The following DCHS2 variants were observed in gnomAD, a reference collection of about 807,000 sequenced individuals.
The protein encoded by DCHS2 is dachsous cadherin-related 2.
A neutral mutation model predicts 182.4 loss-of-function variants in DCHS2; 142 were observed. The observed-to-expected ratio is 0.78, with a 90% CI of 0.68 to 0.89. DCHS2 has a LOEUF of 0.89. Among genes scored for constraint, DCHS2 ranks in the 40% least tolerant of loss-of-function variants. The probability of loss-of-function intolerance (pLI) is 0.00; values close to 1 mark genes in which losing one functional copy is unlikely to be tolerated. For synonymous variants in DCHS2, 1,740 were observed against 1,663.3 expected, an observed-to-expected ratio of 1.05 and a Z score of -1.12; for missense variants, 4,319 against 4,198.6, an observed-to-expected ratio of 1.03 and a Z score of -0.79.
chr4:154,328,065 T>A (rs1216313232), intron 7 of DCHS2, 28 bp downstream of exon 7: 17 of 1,504,466 alleles, frequency 1.1e-5, no homozygotes, highest in Non-Finnish European at 1.4e-5. Flanking sequence ...CTAAAAGTTC[T>A]TAATCCCGTA....
intron 1 of DCHS2, among the ~76,000 whole-genome samples, chr4:154,450,189 T>C (rs1734475888): frequency 6.6e-6 from 1 of 152,070 alleles, no homozygotes. Flanking sequence ...GAGGATAACA[T>C]AGATGAAGGA....
intron 14 of DCHS2, among the ~76,000 whole-genome samples, chr4:154,268,193 CTT>C (rs897943423): frequency 5.3e-5 from 8 of 151,820 alleles, no homozygotes; most frequent in Admixed American, 5.3e-4. Flanking sequence ...AATCTTTTCT[CTT>C]TTCTTATTAA....
Position 154,297,894 on chromosome 4 carries a change from G to C in DCHS2, c.6420C>G (p.Ser2140Arg), listed in dbSNP as rs935288915. The C allele has an allele frequency of 1.2e-6, 2 of 1,613,894 alleles. No homozygotes were observed. The highest frequency in any genetic ancestry group is 1.3e-5 in the African/African-American group (1 of 74,930). ...TCACGAGCCCTTTATACAGGTGGTG[G>C]CTGAAGGAAATCTTTACATCTTCTC... ...MEGEDVKISF[S>R]HHLYKGLVTE... The change falls in exon 13 of 20, where the codon AGC becomes AGG. Residue 2140 changes from serine (S) to arginine (R), a missense_variant. Coordinates refer to ENST00000357232, the MANE Select transcript of DCHS2 (RefSeq NM_001358235.2).
rs550730421 is a variant in DCHS2 at position 154,491,191 on chromosome 4, C to A, written c.165G>T (p.Trp55Cys). ...CAGAGGAGCCCGAGGCCGCCCACAG[C>A]CACACGTGCACCAAGAGCCAGAGCA... ...RSLLWLLVHV[W>C]LWAASGSSAQ... The change falls in exon 1 of 20, where the codon TGG becomes TGT. Residue 55 changes from tryptophan (W) to cysteine (C), a missense_variant. Trp to Cys is a radical substitution (Grantham distance 215). Coordinates refer to ENST00000357232, the MANE Select transcript of DCHS2 (RefSeq NM_001358235.2). 2 of 1,551,442 alleles carry A rather than the reference C, an allele frequency of 1.3e-6. No individual in the cohort carries two copies. Among genetic ancestry groups the A allele is most frequent in the East Asian group, 4.9e-5 (2 of 40,892 alleles).
intron 16 of DCHS2, among the ~76,000 whole-genome samples, chr4:154,251,778 C>CAA (rs1441990020): frequency 6.6e-6 from 1 of 152,158 alleles, no homozygotes; most frequent in Non-Finnish European, 1.5e-5. Context: ...CTCAGCCTCC[C>CAA]AAAGTGCTAG....
intron 3 of DCHS2, among the ~76,000 whole-genome samples, chr4:154,361,825 T>C (rs1579007532): frequency 6.6e-6 from 1 of 152,066 alleles, no homozygotes; most frequent in East Asian, 1.9e-4. Context: ...TTTAAATGCA[T>C]GAGTCTTGGT....
At chr4:154,324,445 T>C (rs1193961113) in intron 7 of DCHS2, among the ~76,000 whole-genome samples, 1 of 152,194 alleles carries the variant, frequency 6.6e-6, no homozygotes, top group African/African-American at 2.4e-5. Flanking sequence ...ATTTGGGACA[T>C]TAGAGGTGCT....
Position 154,490,590 on chromosome 4 carries a change from G to T in DCHS2, c.766C>A (p.Arg256=), listed in dbSNP as rs1052365904. The stretch of plus-strand genomic sequence containing the variant: ...AGCCGGTGCGCCGCCGCCTCCTCTC[G>T]GTCCAAGCGCCGCAGCAGCACCAGA... ...LDLVLLRRLD[R]EEAAAHRLQI... is the part of the protein sequence containing the mutation. The change falls in exon 1 of 20, where the codon CGA becomes AGA. Residue 256 remains arginine, a synonymous_variant. Coordinates refer to ENST00000357232, the MANE Select transcript of DCHS2 (RefSeq NM_001358235.2). 6.5e-7 allele frequency: 1 copy of T among 1,546,014 alleles called. No individual in the cohort carries two copies. The highest frequency in any genetic ancestry group is 8.7e-7 in the Non-Finnish European group (1 of 1,146,282).
chr4:154,372,040 A>T (rs1455150793), intron 2 of DCHS2, among the ~76,000 whole-genome samples: 1 of 152,186 alleles, frequency 6.6e-6, no homozygotes, highest in Non-Finnish European at 1.5e-5. Context: ...GAGAATATGG[A>T]TAATAATAAA....
rs768960355 is a variant in DCHS2, at chr4:154,315,860, A to G, written c.5148T>C (p.Asp1716=). ...TAAATACTGGAGCTTCATCATTTAC[A>G]TCAAGAACAGTAACTGTCAAAGTCT... The part of the protein sequence containing the change: ...SSQTLTVTVL[D]VNDEAPVFKQ... The change falls in exon 10 of 20, where the codon GAT becomes GAC. Residue 1716 remains aspartate (D), a synonymous_variant. Transcript: ENST00000357232. 2.5e-6 allele frequency: 4 copies of G among 1,614,022 alleles called. No homozygotes were observed. In the East Asian group the frequency reaches 8.9e-5, roughly 36 times the overall value.
chr4:154,248,243 T>C (rs1732182210), intron 16 of DCHS2, among the ~76,000 whole-genome samples: 1 of 152,192 alleles, frequency 6.6e-6, no homozygotes, highest in South Asian at 2.1e-4. Flanking sequence ...TAGATTCATA[T>C]AATATAAACA....
In DCHS2 at chr4:154,490,328, G is replaced by T. The variant is rs1560790070; in HGVS notation, c.1028C>A (p.Ala343Glu). 1 of 1,543,636 alleles carries T rather than the reference G, an allele frequency of 6.5e-7. No homozygotes were observed. The highest frequency in any genetic ancestry group is 2.4e-5 in the East Asian group (1 of 40,838). Residue 343 changes from alanine (A) to glutamate (E), a missense_variant, in exon 1 of 20, where the codon GCG (alanine) becomes GAG (glutamate). Transcript: ENST00000357232. ...YSVRARQVPG[A>E]GSGGGALGDA... The stretch of plus-strand genomic sequence containing the variant: ...GCCCAGTGCCCCGCCGCCGCTACCC[G>T]CCCCAGGCACTTGCCGGGCGCGGAC...
chr4:154,399,490 T>C (rs1489129721), intron 1 of DCHS2, among the ~76,000 whole-genome samples: 1 of 152,182 alleles, frequency 6.6e-6, no homozygotes, highest in African/African-American at 2.4e-5. Flanking sequence ...GATTCAGAAC[T>C]ACAGAACTAC....
intron 2 of DCHS2, among the ~76,000 whole-genome samples, chr4:154,369,502 A>G (rs1236576947): frequency 1.3e-5 from 2 of 152,152 alleles, no homozygotes; most frequent in Non-Finnish European, 2.9e-5. Context: ...GTGTAGCTAA[A>G]CTTTTGTCCA....
At chr4:154,263,685 TG>T (rs1733093627) in intron 14 of DCHS2, among the ~76,000 whole-genome samples, 2 of 144,402 alleles carry the variant, frequency 1.4e-5, no homozygotes, top group Admixed American at 6.8e-5. Flanking sequence ...TGGCCATTAT[TG>T]AAAAAAAAAA....
At chr4:154,356,711 G>A (rs1334434416) in intron 3 of DCHS2, among the ~76,000 whole-genome samples, 1 of 152,172 alleles carries the variant, frequency 6.6e-6, no homozygotes, top group Non-Finnish European at 1.5e-5. Flanking sequence ...TAGCCTAGGA[G>A]CAATAGGCTA....
intron 3 of DCHS2, among the ~76,000 whole-genome samples, chr4:154,337,988 G>A (rs1270620133): frequency 1.3e-5 from 2 of 151,936 alleles, no homozygotes; most frequent in Non-Finnish European, 2.9e-5. Context: ...TGCCTACCTC[G>A]GCCTCCCAAA....
At chr4:154,298,887 CT>C in intron 12 of DCHS2, 179 bp from the exon 13 acceptor site, 1 of 827,744 alleles carries the variant, frequency 1.2e-6, no homozygotes, top group Non-Finnish European at 1.7e-6. Flanking sequence ...AGGCTCTGCC[CT>C]CATGAAACTT....
At chr4:154,427,571 A>T (rs1733382791) in intron 1 of DCHS2, among the ~76,000 whole-genome samples, 1 of 152,240 alleles carries the variant, frequency 6.6e-6, no homozygotes, top group Non-Finnish European at 1.5e-5. Context: ...AACTCTGTTA[A>T]ATTTAATTTG....
Sources: allele counts gnomAD v4.1 joint callset (sites outside exome capture counted in the v4.1 genomes callset), GRCh38; gene constraint gnomAD v4.1.1; transcripts MANE v1.5; gene names NCBI Gene and HGNC (gene_info 2026-07-23, HGNC 2026-07-21).